Variants in NOSTRIN observed in about 807,000 individuals in gnomAD.
The protein encoded by NOSTRIN is BM247 homolog.
Under a neutral mutation model 59.0 loss-of-function variants are expected in NOSTRIN, and 63 were observed. The observed-to-expected ratio is 1.07, with a 90% CI of 0.87 to 1.32. The LOEUF (loss-of-function observed/expected upper bound fraction) is 1.32, where lower values mean the gene tolerates loss of function less well. Ranked by LOEUF, NOSTRIN falls within the 40% of genes most tolerant of loss-of-function variation. The pLI is 0.00. For missense variants in NOSTRIN, 512 were observed against 473.1 expected (o/e 1.08, Z -0.76); for synonymous variants, 200 against 165.4 (o/e 1.21, Z -1.61).
chr2:168,827,403 C>T (rs1574286026), intron 3 of NOSTRIN, among the ~76,000 whole-genome samples: 1 of 152,204 alleles, frequency 6.6e-6, no homozygotes, highest in Non-Finnish European at 1.5e-5. Context: ...TGGACTCCAA[C>T]CCCAAGAGCA....
At chr2:168,848,299 T>G (rs1442752020) in intron 8 of NOSTRIN, among the ~76,000 whole-genome samples, 2 of 152,236 alleles carry the variant, frequency 1.3e-5, no homozygotes, top group African/African-American at 2.4e-5. Context: ...TTCAAATGAC[T>G]GGTGCCTGCA....
chr2:168,802,143 A>C (rs913855021), upstream of NOSTRIN, among the ~76,000 whole-genome samples: 3 of 152,124 alleles, frequency 2.0e-5, no homozygotes, highest in African/African-American at 7.2e-5. Context: ...ATATTAAAGG[A>C]GTGCTCACAG....
intron 1 of NOSTRIN, among the ~76,000 whole-genome samples, chr2:168,806,312 T>G (rs1380309351): frequency 2.0e-5 from 3 of 152,140 alleles, no homozygotes; most frequent in Non-Finnish European, 4.4e-5. Context: ...AATAAATTTT[T>G]CTATAACTTT....
intron 7 of NOSTRIN, among the ~76,000 whole-genome samples, chr2:168,836,757 G>A (rs985573295): frequency 3.9e-5 from 6 of 152,166 alleles, no homozygotes; most frequent in Non-Finnish European, 5.9e-5. Flanking sequence ...CTGCAATGGA[G>A]AGGCCAGTTC....
rs1295559102 is a variant in NOSTRIN at position 168,856,836 on chromosome 2, A to G, written c.1053+58A>G. 7 of 1,522,062 alleles carry G rather than the reference A, an allele frequency of 4.6e-6. No homozygotes were observed. In the South Asian group the frequency reaches 5.6e-5, roughly 12 times the overall value. The allele number at this position is 1,522,062 out of a possible 1,614,324, so 94.3% of individuals were successfully genotyped here. A position where few individuals can be genotyped will look rare whatever the true frequency, so the allele number is the denominator to read the frequency against. ...AGTGATGAAAAGGGTTATTTTTAGA[A>G]TACTTGTTTCTGGTCCACTTGGCCT... On this transcript the variant is annotated intron_variant, in intron 12 of 15. Transcript: ENST00000317647.
Position 168,864,869 on chromosome 2 carries a change from GGA to G in NOSTRIN, c.1421_1422del (p.Gly474ValfsTer67), listed in dbSNP as rs1456498190. On this transcript the variant is annotated frameshift_variant, in exon 16 of 16. Coordinates refer to ENST00000317647, the MANE Select transcript of NOSTRIN (RefSeq NM_001039724.4). LOFTEE classifies it high-confidence loss of function. Reference sequence around the variant, plus strand: ...GATTATACACGAGAAAAAAGAAGGAGGATGGTGGTTTGGATCTTTGAATGGGA... The same window carrying G: ...GATTATACACGAGAAAAAAGAAGGAGTGGTGGTTTGGATCTTTGAATGGGA... ...IVIIHEKKEGGWWFGSLNGKK... is the reference protein window; with the variant it reads ...IVIIHEKKEGXWWFGSLNGKK... 1.1e-5 allele frequency: 17 copies of G among 1,613,810 alleles called. No individual in the cohort carries two copies. The highest frequency in any genetic ancestry group is 3.3e-5 in the Admixed American group (2 of 59,974).
intron 7 of NOSTRIN, among the ~76,000 whole-genome samples, chr2:168,837,891 T>C (rs1687833009): frequency 6.6e-6 from 1 of 152,182 alleles, no homozygotes; most frequent in South Asian, 2.1e-4. Context: ...CCTCCTACTT[T>C]CTGTAAATTT....
chr2:168,839,362 G>A (rs1027512827), intron 7 of NOSTRIN, among the ~76,000 whole-genome samples: 1 of 152,038 alleles, frequency 6.6e-6, no homozygotes, highest in Admixed American at 6.6e-5. Flanking sequence ...CTCTCTTGAT[G>A]TCCTTCCAGT....
Position 168,802,645 on chromosome 2 carries a change from A to G in NOSTRIN, c.-2A>G. 1.2e-6 allele frequency: 1 copy of G among 869,150 alleles called. No individual in the cohort carries two copies. Among genetic ancestry groups the G allele is most frequent in the South Asian group, 1.3e-5 (1 of 74,748 alleles). The allele number at this position is 869,150 out of a possible 1,614,324, so 53.8% of individuals were successfully genotyped here. On this transcript the variant is annotated 5_prime_UTR_variant, in exon 1 of 16. Transcript: ENST00000317647. ...AAGGACAAAAGCCAGACACATTTCA[A>G]CATGAGGGACCCACTGACAGATTGT...
At chr2:168,855,234 ATTTTG>A (rs1026554267) in intron 10 of NOSTRIN, 113 bp from the exon 11 acceptor site, 13 of 515,304 alleles carry the variant, frequency 2.5e-5, no homozygotes, top group Non-Finnish European at 3.8e-5. Flanking sequence ...CTGCTTAAAA[ATTTTG>A]TTTTATTTTA....
At chr2:168,815,164 T>C (rs1214264739) in intron 2 of NOSTRIN, among the ~76,000 whole-genome samples, 1 of 152,168 alleles carries the variant, frequency 6.6e-6, no homozygotes, top group African/African-American at 2.4e-5. Flanking sequence ...CTTAATCTAA[T>C]TGGGTAGTGA....
Position 168,859,650 on chromosome 2 carries a change from G to A in NOSTRIN, c.1179+13G>A. On this transcript the variant is annotated intron_variant, in intron 13 of 15. Coordinates refer to ENST00000317647, the MANE Select transcript of NOSTRIN (RefSeq NM_001039724.4). Reference sequence around the variant, plus strand: ...GTGGAGGGAAAAGGTAACATTTAAGGAGACTGGTTGTAATTTCTTGATTGG... The same window carrying A: ...GTGGAGGGAAAAGGTAACATTTAAGAAGACTGGTTGTAATTTCTTGATTGG... 6.2e-7 allele frequency: 1 copy of A among 1,612,978 alleles called. No individual in the cohort carries two copies. Among genetic ancestry groups the A allele is most frequent in the Non-Finnish European group, 8.5e-7 (1 of 1,179,614 alleles).
At chr2:168,789,818 G>C (rs1685302527) in intron 2 of NOSTRIN, among the ~76,000 whole-genome samples, 3 of 152,148 alleles carry the variant, frequency 2.0e-5, no homozygotes, top group Non-Finnish European at 2.9e-5. Context: ...GAGAAACAAA[G>C]GGCCTTCAAG....
intron 3 of NOSTRIN, 121 bp from the exon 4 acceptor site, chr2:168,828,037 G>C: frequency 1.4e-6 from 1 of 726,922 alleles, no homozygotes; most frequent in Non-Finnish European, 2.5e-6. Context: ...AATAAGGTTA[G>C]GGAAGTGAAT....
chr2:168,814,137 G>A (rs372489232), intron 2 of NOSTRIN, among the ~76,000 whole-genome samples: 31 of 152,252 alleles, frequency 2.0e-4, no homozygotes, highest in African/African-American at 7.2e-4. Context: ...TATACTTTTA[G>A]ACAGCATTTC....
At chr2:168,828,269 A>G in intron 4 of NOSTRIN, 49 bp downstream of exon 4, 1 of 872,524 alleles carries the variant, frequency 1.1e-6, no homozygotes, top group Non-Finnish European at 2.0e-6. Context: ...GGAATCAAAT[A>G]TTTAAAGTGG....
upstream of NOSTRIN, among the ~76,000 whole-genome samples, chr2:168,797,079 CTTTTTTT>C (rs775176252): frequency 1.2e-4 from 9 of 75,054 alleles, no homozygotes; most frequent in Admixed American, 9.7e-4. Flanking sequence ...TTTCTTTTTT[CTTTTTTT>C]TTTTTTTTTT....
chr2:168,811,558 G>A lies in NOSTRIN; in HGVS notation c.28-9G>A. On this transcript the variant is annotated splice_polypyrimidine_tract_variant and intron_variant, in intron 1 of 15. Coordinates refer to ENST00000317647, the MANE Select transcript of NOSTRIN (RefSeq NM_001039724.4). The stretch of plus-strand genomic sequence containing the variant: ...TCATTGTTTTTTTGTTATTGTTCTT[G>A]TTTTTCAGTATAATAAAGTATACAA... 3 of 804,432 alleles carry A rather than the reference G, an allele frequency of 3.7e-6. No homozygotes were observed. The highest frequency in any genetic ancestry group is 4.2e-6 in the Non-Finnish European group (2 of 470,854). The allele number at this position is 804,432 out of a possible 1,614,324, so 49.8% of individuals were successfully genotyped here.
At chr2:168,797,952 C>A (rs962458383), upstream of NOSTRIN, among the ~76,000 whole-genome samples, 10 of 152,118 alleles carry the variant, frequency 6.6e-5, no homozygotes, top group Admixed American at 1.3e-4. Flanking sequence ...GATACCCCCT[C>A]ATATCAAAAT....
Sources: gnomAD v4.1 joint callset for allele counts (sites outside exome capture counted in the v4.1 genomes callset) on GRCh38, gnomAD v4.1.1 for gene constraint, MANE v1.5 for transcripts, NCBI Gene and HGNC (gene_info 2026-07-23, HGNC 2026-07-21) for gene names.